Variants in LEF1 observed in about 807,000 individuals in gnomAD.
LEF1 encodes lymphoid enhancer binding factor 1, also known as lymphoid enhancer-binding factor 1.
A neutral mutation model predicts 51.2 loss-of-function variants in LEF1; 14 were observed. The ratio of observed to expected loss-of-function variants is 0.27; its 90% confidence interval spans 0.18 to 0.43. LEF1 has a LOEUF of 0.43. LEF1 is among the 20% of genes least tolerant of loss of function. The probability of loss-of-function intolerance (pLI) is 1.00; values close to 1 mark genes in which losing one functional copy is unlikely to be tolerated. For missense variants in LEF1, 386 were observed against 512.0 expected (o/e 0.75, Z 2.37); for synonymous variants, 185 against 183.2 (o/e 1.01, Z -0.08).
rs1671817572 is a variant in LEF1, at chr4:108,048,829, T to C, written c.*7-78A>G. ...AGATTATAACCTCTATTCCATACCA[T>C]ATATGTCTTACAACCTCTGCATTTA... On this transcript the variant is annotated intron_variant, in intron 11 of 11. Coordinates refer to ENST00000265165, the MANE Select transcript of LEF1 (RefSeq NM_016269.5). 8.4e-6 allele frequency: 8 copies of C among 948,954 alleles called. No individual in the cohort carries two copies. In the South Asian group the frequency reaches 8.7e-5, roughly 10 times the overall value. The allele number at this position is 948,954 out of a possible 1,614,324, so 58.8% of individuals were successfully genotyped here.
At chr4:108,127,770 G>T (rs945853984) in intron 3 of LEF1, among the ~76,000 whole-genome samples, 3 of 152,180 alleles carry the variant, frequency 2.0e-5, no homozygotes, top group Admixed American at 6.5e-5. Flanking sequence ...CAACAGGGGG[G>T]TATGTAGCTT....
Position 108,065,368 on chromosome 4 carries a change from T to TCAGC in LEF1, c.1117-988_1117-985dup, listed in dbSNP as rs1737996089. On this transcript the variant is annotated intron_variant, in intron 9 of 11. Transcript: ENST00000265165. ...GGCGTGGTGGCGTGCGCCTGTAATC[T>TCAGC]CAGCTACTGGGGAGGCTGAAGCAGG... 7.2e-5 allele frequency among the ~76,000 whole-genome samples: 11 copies of TCAGC among 152,254 alleles called. No individual in the cohort carries two copies. In the Middle Eastern group the frequency reaches 0.017, roughly 235 times the overall value.
At chr4:108,105,411 C>T (rs1741099729) in intron 3 of LEF1, among the ~76,000 whole-genome samples, 1 of 152,096 alleles carries the variant, frequency 6.6e-6, no homozygotes, top group Admixed American at 6.5e-5. Flanking sequence ...GAACTCCTGA[C>T]AGCAGGTGAT....
At chr4:108,055,387 G>A (rs1282462408) in intron 11 of LEF1, among the ~76,000 whole-genome samples, 1 of 152,124 alleles carries the variant, frequency 6.6e-6, no homozygotes, top group East Asian at 1.9e-4. Flanking sequence ...AATGGCATGA[G>A]GTATTCGTAT....
chr4:108,078,139 A>C, intron 8 of LEF1, 81 bp downstream of exon 8: 1 of 1,285,216 alleles, frequency 7.8e-7, no homozygotes, highest in Non-Finnish European at 1.1e-6. Context: ...TGACCACCTG[A>C]TATGGGATTA....
chr4:108,106,558 G>A (rs1199197561), intron 3 of LEF1, among the ~76,000 whole-genome samples: 1 of 152,156 alleles, frequency 6.6e-6, no homozygotes, highest in Non-Finnish European at 1.5e-5. Context: ...GTGCACTGAT[G>A]TACACACATT....
chr4:108,135,973 A>C (rs759000386), intron 3 of LEF1, among the ~76,000 whole-genome samples: 65 of 152,366 alleles, frequency 4.3e-4, no homozygotes, highest in Middle Eastern at 3.4e-3. Flanking sequence ...GAAGAAAATC[A>C]GTCACAAAAT....
intron 11 of LEF1, among the ~76,000 whole-genome samples, chr4:108,054,406 CGCTGCTACTCGCCA>C (rs1403260037): frequency 1.3e-5 from 2 of 152,206 alleles, no homozygotes; most frequent in Non-Finnish European, 2.9e-5. Flanking sequence ...GCAGACGCAG[CGCTGCTACTCGCCA>C]GCTGCATGGC....
At chr4:108,101,020 C>A (rs1740787134) in intron 3 of LEF1, among the ~76,000 whole-genome samples, 1 of 152,154 alleles carries the variant, frequency 6.6e-6, no homozygotes, top group Non-Finnish European at 1.5e-5. Flanking sequence ...GCATTTGTCC[C>A]TAATTACTCT....
chr4:108,067,529 A>T (rs1215595203), intron 9 of LEF1, among the ~76,000 whole-genome samples: 2 of 149,826 alleles, frequency 1.3e-5, no homozygotes, highest in Non-Finnish European at 1.5e-5. Flanking sequence ...GGATTAGAAG[A>T]TCCTTTTTTT....
In LEF1 at chr4:108,167,876, G is replaced by A; in HGVS notation, c.-109C>T. 2 of 973,490 alleles carry A rather than the reference G, an allele frequency of 2.1e-6. No homozygotes were observed. The highest frequency in any genetic ancestry group is 3.0e-6 in the Non-Finnish European group (2 of 658,888). The allele number at this position is 973,490 out of a possible 1,614,324, so 60.3% of individuals were successfully genotyped here. ...GAGGAAAGGAGAGTTGGAAGGGTTC[G>A]TGCAGCAGGACAGCGGGCGGAAGCG... On this transcript the variant is annotated 5_prime_UTR_variant, in exon 1 of 12. The change creates a new upstream start codon in the 5' untranslated region. Transcript: ENST00000265165. The surrounding 1 kb of genome is among the most constrained non-coding windows in gnomAD (Gnocchi z 5.7).
At chr4:108,103,051 T>C (rs533782438) in intron 3 of LEF1, among the ~76,000 whole-genome samples, 2 of 152,308 alleles carry the variant, frequency 1.3e-5, no homozygotes, top group East Asian at 3.9e-4. Flanking sequence ...ATGCAGCCCA[T>C]TTTCTGGTTC....
rs764666204 is a variant in LEF1 at position 108,163,697 on chromosome 4, C to T, written c.285G>A (p.Lys95=). 1 of 1,613,370 alleles carries T rather than the reference C, an allele frequency of 6.2e-7. No individual in the cohort carries two copies. Among genetic ancestry groups the T allele is most frequent in the East Asian group, 2.2e-5 (1 of 44,846 alleles). ...TGTTGTAGAGGCCTCCATCTGGATG[C>T]TTTCCTGGGAAGATCCAAAGAACAA... ...DKAREHPDDG[K]HPDGGLYNKG... The change falls in exon 3 of 12, where the codon AAG becomes AAA. Residue 95 remains lysine, a synonymous_variant. Transcript: ENST00000265165.
chr4:108,080,571 T>C (rs1739217697), intron 6 of LEF1, among the ~76,000 whole-genome samples: 1 of 152,236 alleles, frequency 6.6e-6, no homozygotes, highest in Non-Finnish European at 1.5e-5. Flanking sequence ...ATAATGATGC[T>C]TTGCTAAATG....
intron 3 of LEF1, among the ~76,000 whole-genome samples, chr4:108,123,064 T>A (rs1471207169): frequency 1.3e-5 from 2 of 152,238 alleles, no homozygotes; most frequent in African/African-American, 4.8e-5. Flanking sequence ...TTTTCTTTAC[T>A]GTAAGTGTCC....
intron 3 of LEF1, among the ~76,000 whole-genome samples, chr4:108,144,324 C>G (rs145096698): frequency 6.6e-6 from 1 of 152,150 alleles, no homozygotes; most frequent in South Asian, 2.1e-4. Context: ...AAGAACAAAG[C>G]TGGCCCCAGG....
chr4:108,065,532 A>G (rs1220931973), intron 9 of LEF1, among the ~76,000 whole-genome samples: 1 of 152,166 alleles, frequency 6.6e-6, no homozygotes, highest in African/African-American at 2.4e-5. Context: ...ATTATTTTTG[A>G]TGTGCCGTTT....
chr4:108,114,909 G>A (rs1375755854), intron 3 of LEF1, among the ~76,000 whole-genome samples: 4 of 152,186 alleles, frequency 2.6e-5, no homozygotes, highest in East Asian at 1.9e-4. Context: ...GAATTATCCC[G>A]AGCAGCACTT....
At chr4:108,105,803 C>T (rs1741124999) in intron 3 of LEF1, among the ~76,000 whole-genome samples, 1 of 152,104 alleles carries the variant, frequency 6.6e-6, no homozygotes, top group Non-Finnish European at 1.5e-5. Context: ...CAAAGTGACT[C>T]CTGGGCTTGA....
Sources: gnomAD v4.1 joint callset for allele counts (sites outside exome capture counted in the v4.1 genomes callset) on GRCh38, gnomAD v4.1.1 for gene constraint, Gnocchi (gnomAD v3.1) non-coding constraint, MANE v1.5 for transcripts, NCBI Gene and HGNC (gene_info 2026-07-23, HGNC 2026-07-21) for gene names.